Variants in ZDHHC17 observed in about 807,000 individuals in gnomAD.
ZDHHC17 encodes palmitoyltransferase ZDHHC17.
In ZDHHC17, 40 loss-of-function variants were observed where a neutral mutation model predicts 90.3. The observed-to-expected ratio is 0.44, with a 90% CI of 0.34 to 0.58. The LOEUF (loss-of-function observed/expected upper bound fraction) is 0.58, where lower values mean the gene tolerates loss of function less well. Among genes scored for constraint, ZDHHC17 ranks in the 20% least tolerant of loss-of-function variants. The pLI is 0.01. For synonymous variants in ZDHHC17, 235 were observed against 252.4 expected (o/e 0.93, Z 0.65); for missense variants, 614 against 780.8 (o/e 0.79, Z 2.55).
chr12:76,800,366 CCA>C lies in ZDHHC17; in HGVS notation c.197+2832_197+2833del, dbSNP rs1368117050. Among the ~76,000 whole-genome samples the C allele has an allele frequency of 3.3e-5, 5 of 152,280 alleles. No homozygotes were observed. The East Asian group carries it at 5.8e-4, about 18-fold the overall frequency. ...TTAAAAATACATGAATCCAGGCTGG[CCA>C]CAGTTTCCTTAAGTTCTGTGTTTCC... On this transcript the variant is annotated intron_variant, in intron 2 of 16. Coordinates refer to ENST00000426126, the MANE Select transcript of ZDHHC17 (RefSeq NM_015336.4).
intron 5 of ZDHHC17, among the ~76,000 whole-genome samples, chr12:76,814,769 T>A (rs371011160): frequency 3.0e-4 from 46 of 152,098 alleles, no homozygotes; most frequent in African/African-American, 1.1e-3. Flanking sequence ...TTTTTTGTTT[T>A]GAAATGCCTA....
intron 1 of ZDHHC17, among the ~76,000 whole-genome samples, chr12:76,775,403 C>CT (rs1306248477): frequency 3.3e-5 from 5 of 152,018 alleles, no homozygotes; most frequent in African/African-American, 4.8e-5. Context: ...TATTGAAACT[C>CT]TAAGTTGAAC....
chr12:76,767,169 A>G (rs1335398608), intron 1 of ZDHHC17, among the ~76,000 whole-genome samples: 1 of 152,188 alleles, frequency 6.6e-6, no homozygotes, highest in Non-Finnish European at 1.5e-5. Flanking sequence ...CTACCAGAAG[A>G]AAGGGAAGTG....
At position 76,846,580 on chromosome 12, in the gene ZDHHC17, C is replaced by G. The variant is rs1592500564; in HGVS notation, c.1424-16C>G. On this transcript the variant is annotated splice_polypyrimidine_tract_variant and intron_variant, in intron 13 of 16. Transcript: ENST00000426126. Reference sequence around the variant, plus strand: ...TTTTCTTAGCTGAAAAACCTTGCTTCTGTGTCGTTCTTCAGGTGCAGGCAA... The same window carrying G: ...TTTTCTTAGCTGAAAAACCTTGCTTGTGTGTCGTTCTTCAGGTGCAGGCAA... 6.8e-6 allele frequency: 11 copies of G among 1,605,910 alleles called. No individual in the cohort carries two copies. The East Asian group carries it at 2.5e-4, about 36-fold the overall frequency.
rs375782972 is a variant in ZDHHC17, at chr12:76,822,514, A to G, written c.880A>G (p.Lys294Glu). 162 of 1,602,016 alleles carry G rather than the reference A, an allele frequency of 1.0e-4. No homozygotes were observed. Among genetic ancestry groups the G allele is most frequent in the Non-Finnish European group, 1.3e-4 (158 of 1,173,760 alleles). Residue 294 changes from lysine (K) to glutamate (E), a missense_variant, in exon 8 of 17, where the codon AAG (lysine) becomes GAG (glutamate). Physicochemically the swap from Lys to Glu is moderately conservative, Grantham distance 56. This residue lies in a region of ZDHHC17 where 358 missense variants were observed against 380.4 expected (regional missense o/e 0.94). Coordinates refer to ENST00000426126, the MANE Select transcript of ZDHHC17 (RefSeq NM_015336.4). ...KGYDNPSFLR[K>E]LKADKEFRQK... The stretch of plus-strand genomic sequence containing the variant: ...ATATGACAATCCGTCCTTCCTTAGA[A>G]AGCTGAAAGCTGATAAGGTAAACTC...
chr12:76,833,341 C>T (rs949216959), intron 10 of ZDHHC17, among the ~76,000 whole-genome samples: 2 of 152,176 alleles, frequency 1.3e-5, no homozygotes, highest in African/African-American at 4.8e-5. Context: ...CTCAAAGTCA[C>T]ATAGGTGGGA....
chr12:76,789,186 G>C (rs981204174), intron 1 of ZDHHC17, among the ~76,000 whole-genome samples: 1 of 152,150 alleles, frequency 6.6e-6, no homozygotes, highest in Non-Finnish European at 1.5e-5. Context: ...GTTTACCCCA[G>C]TTAAAATGAA....
chr12:76,834,726 G>A (rs894615579), intron 10 of ZDHHC17, among the ~76,000 whole-genome samples: 1 of 152,112 alleles, frequency 6.6e-6, no homozygotes, highest in East Asian at 1.9e-4. Flanking sequence ...TTTGACTACT[G>A]TAAATGAAGA....
At chr12:76,833,248 A>AT (rs987089947) in intron 10 of ZDHHC17, among the ~76,000 whole-genome samples, 1 of 152,014 alleles carries the variant, frequency 6.6e-6, no homozygotes, top group Non-Finnish European at 1.5e-5. Flanking sequence ...TAATTATTTG[A>AT]TTTTTTTAAA....
chr12:76,805,295 C>A, intron 2 of ZDHHC17, 22 bp from the exon 3 acceptor site: 2 of 1,560,988 alleles, frequency 1.3e-6, no homozygotes, highest in Non-Finnish European at 1.7e-6. Context: ...AATAACAATG[C>A]CATATTTTCT....
intron 2 of ZDHHC17, among the ~76,000 whole-genome samples, chr12:76,802,755 T>C (rs1406707292): frequency 6.6e-6 from 1 of 152,218 alleles, no homozygotes; most frequent in African/African-American, 2.4e-5. Flanking sequence ...CTTCAGTTAT[T>C]GTACGTTTTA....
chr12:76,831,390 C>T (rs988249382), intron 10 of ZDHHC17, among the ~76,000 whole-genome samples: 3 of 151,920 alleles, frequency 2.0e-5, no homozygotes, highest in Admixed American at 6.6e-5. Context: ...TTGCACTGTC[C>T]ACCAGGCTAG....
At chr12:76,779,816 A>T (rs1422775642) in intron 1 of ZDHHC17, among the ~76,000 whole-genome samples, 3 of 151,808 alleles carry the variant, frequency 2.0e-5, no homozygotes, top group Non-Finnish European at 4.4e-5. Flanking sequence ...ATTCAAGTTC[A>T]TGATTAATTT....
At chr12:76,817,148 A>G (rs1469748600) in intron 7 of ZDHHC17, among the ~76,000 whole-genome samples, 2 of 152,100 alleles carry the variant, frequency 1.3e-5, no homozygotes, top group African/African-American at 4.8e-5. Flanking sequence ...CAGAAATTAT[A>G]GAGAGAAATG....
chr12:76,778,617 TAAAG>T (rs1406658480), intron 1 of ZDHHC17, among the ~76,000 whole-genome samples: 3 of 152,224 alleles, frequency 2.0e-5, no homozygotes, highest in Non-Finnish European at 4.4e-5. Flanking sequence ...GCAACCATAA[TAAAG>T]AAATTTTTGA....
chr12:76,842,025 T>C lies in ZDHHC17; in HGVS notation c.1185T>C (p.Ser395=), dbSNP rs1375057289. Residue 395 remains serine, a synonymous_variant, in exon 11 of 17, where the codon AGT becomes AGC. Transcript: ENST00000426126. The stretch of plus-strand genomic sequence containing the variant: ...TCCATCTTCCATTCCTTGCCAATAG[T>C]GTTGCACTTTTCTACAATTTTGGAA... The part of the protein sequence containing the change: ...LFIHLPFLAN[S]VALFYNFGKS... The C allele has an allele frequency of 6.2e-7, 1 of 1,600,698 alleles. No individual in the cohort carries two copies. Among genetic ancestry groups the C allele is most frequent in the Non-Finnish European group, 8.5e-7 (1 of 1,173,766 alleles).
chr12:76,792,711 G>A (rs1051936018), intron 1 of ZDHHC17, among the ~76,000 whole-genome samples: 1 of 151,850 alleles, frequency 6.6e-6, no homozygotes, highest in African/African-American at 2.4e-5. Context: ...AATCTTCCAA[G>A]TGACTATAAT....
intron 1 of ZDHHC17, among the ~76,000 whole-genome samples, chr12:76,791,453 A>G (rs1475559801): frequency 6.6e-6 from 1 of 152,046 alleles, no homozygotes; most frequent in African/African-American, 2.4e-5. Context: ...TTGGGGTGAA[A>G]TAATTTTTTT....
chr12:76,809,823 C>T lies in ZDHHC17; in HGVS notation c.509C>T (p.Thr170Ile), dbSNP rs950783144. 13 of 1,610,982 alleles carry T rather than the reference C, an allele frequency of 8.1e-6. No individual in the cohort carries two copies. Among genetic ancestry groups the T allele is most frequent in the Admixed American group, 1.7e-5 (1 of 59,632 alleles). Residue 170 changes from threonine (T) to isoleucine (I), a missense_variant, in exon 5 of 17, where the codon ACC becomes ATC. Thr to Ile is a moderately conservative substitution (Grantham distance 89). This residue lies in a region of ZDHHC17 where 358 missense variants were observed against 380.4 expected (regional missense o/e 0.94). Transcript: ENST00000426126. Reference protein sequence around the residue: ...CIHLAAQFGHTSIVAYLIAKG... With the variant: ...CIHLAAQFGHISIVAYLIAKG... ...CATCTGGCTGCTCAGTTCGGACATA[C>T]CTCAATTGTTGCTTATCTCATAGCA...
Sources: allele counts gnomAD v4.1 joint callset (sites outside exome capture counted in the v4.1 genomes callset), GRCh38; gene constraint gnomAD v4.1.1; regional missense constraint gnomAD v4.1.1; transcripts MANE v1.5; gene names NCBI Gene and HGNC (gene_info 2026-07-23, HGNC 2026-07-21).